The following PLCXD3 variants were observed in gnomAD, a reference collection of about 807,000 sequenced individuals.
The protein encoded by PLCXD3 is PI-PLC X domain-containing protein 3.
PLCXD3 carries 19 observed loss-of-function variants against 25.5 expected under a neutral mutation model. That is an observed-to-expected ratio of 0.75 (90% CI 0.52 to 1.09). PLCXD3 has a LOEUF of 1.09. PLCXD3 is among the 50% of genes least tolerant of loss of function. The pLI is 0.00. For synonymous variants in PLCXD3, 174 were observed against 137.6 expected, an observed-to-expected ratio of 1.26 and a Z score of -1.85; for missense variants, 411 against 388.1, an observed-to-expected ratio of 1.06 and a Z score of -0.50.
chr5:41,425,906 C>G (rs920866510), intron 1 of PLCXD3, among the ~76,000 whole-genome samples: 1 of 152,150 alleles, frequency 6.6e-6, no homozygotes. Context: ...AATAAAGCTG[C>G]TATAAACATC....
intron 1 of PLCXD3, among the ~76,000 whole-genome samples, chr5:41,475,120 G>A (rs948380815): frequency 6.6e-6 from 1 of 151,974 alleles, no homozygotes; most frequent in African/African-American, 2.4e-5. Flanking sequence ...ACAAAAAGAT[G>A]GTATGTACCA....
intron 2 of PLCXD3, among the ~76,000 whole-genome samples, chr5:41,321,572 A>C (rs918001372): frequency 6.6e-6 from 1 of 152,226 alleles, no homozygotes; most frequent in Non-Finnish European, 1.5e-5. Flanking sequence ...TAGAAATAGA[A>C]AAAGCAAACC....
At chr5:41,473,660 G>C (rs1391939382) in intron 1 of PLCXD3, among the ~76,000 whole-genome samples, 1 of 151,932 alleles carries the variant, frequency 6.6e-6, no homozygotes, top group African/African-American at 2.4e-5. Flanking sequence ...GTTTCACCAT[G>C]TTGGCCAGGA....
intron 2 of PLCXD3, among the ~76,000 whole-genome samples, chr5:41,320,059 A>T (rs1038250890): frequency 2.6e-5 from 4 of 152,174 alleles, no homozygotes; most frequent in South Asian, 4.1e-4. Context: ...GAACTAGGAA[A>T]AAAATTCAAA....
At chr5:41,493,191 G>T (rs1400365437) in intron 1 of PLCXD3, among the ~76,000 whole-genome samples, 1 of 152,170 alleles carries the variant, frequency 6.6e-6, no homozygotes, top group Non-Finnish European at 1.5e-5. Context: ...TTTGCTGGAG[G>T]TCCACTCCAG....
chr5:41,470,656 C>T (rs569477187), intron 1 of PLCXD3, among the ~76,000 whole-genome samples: 1 of 152,186 alleles, frequency 6.6e-6, no homozygotes, highest in Non-Finnish European at 1.5e-5. Flanking sequence ...CTTCTATTGG[C>T]TGAGTTCCTA....
intron 2 of PLCXD3, among the ~76,000 whole-genome samples, chr5:41,365,951 ATTTT>A (rs1190875287): frequency 1.7e-5 from 2 of 118,384 alleles, no homozygotes; most frequent in Non-Finnish European, 3.7e-5. Context: ...TTATTTATTT[ATTTT>A]ATTATACTTT....
intron 1 of PLCXD3, among the ~76,000 whole-genome samples, chr5:41,423,252 A>AT (rs1328163200): frequency 6.6e-6 from 1 of 152,096 alleles, no homozygotes; most frequent in Non-Finnish European, 1.5e-5. Context: ...GGTTTGGTAG[A>AT]TTATGCTGGA....
intron 1 of PLCXD3, among the ~76,000 whole-genome samples, chr5:41,486,247 T>C (rs76510134): frequency 0.017 from 2,549 of 152,172 alleles, 32 homozygotes; most frequent in Non-Finnish European, 0.025. Context: ...TTGGATTTCC[T>C]ATTATCTCTG....
chr5:41,412,219 C>G (rs1746568993), intron 1 of PLCXD3, among the ~76,000 whole-genome samples: 1 of 152,052 alleles, frequency 6.6e-6, no homozygotes, highest in Non-Finnish European at 1.5e-5. Context: ...AAAATATATA[C>G]CAAATGCATT....
At chr5:41,441,962 C>A (rs1747394744) in intron 1 of PLCXD3, among the ~76,000 whole-genome samples, 1 of 152,154 alleles carries the variant, frequency 6.6e-6, no homozygotes, top group African/African-American at 2.4e-5. Flanking sequence ...AAATTCTTCT[C>A]TTTAAAAACT....
chr5:41,474,808 A>G (rs1176754090), intron 1 of PLCXD3, among the ~76,000 whole-genome samples: 1 of 152,192 alleles, frequency 6.6e-6, no homozygotes, highest in African/African-American at 2.4e-5. Context: ...ATTGACTTTT[A>G]CCCAGAATTA....
intron 1 of PLCXD3, among the ~76,000 whole-genome samples, chr5:41,428,757 C>T (rs775134237): frequency 1.3e-5 from 2 of 152,120 alleles, no homozygotes; most frequent in Non-Finnish European, 2.9e-5. Context: ...ATTTCCACCT[C>T]ATTAACATTT....
Position 41,340,285 on chromosome 5 carries a change from C to T in PLCXD3, c.813-26515G>A, listed in dbSNP as rs180949460. 4.6e-5 allele frequency among the ~76,000 whole-genome samples: 7 copies of T among 152,214 alleles called. No homozygotes were observed. In the East Asian group the frequency reaches 1.4e-3, roughly 29 times the overall value. ...ACGTAGTGTCCCTAAAAACAGGTAA[C>T]ATGATACTGTGAAATGACTAATTAA... On this transcript the variant is annotated intron_variant, in intron 2 of 2. Transcript: ENST00000377801.
intron 1 of PLCXD3, among the ~76,000 whole-genome samples, chr5:41,451,206 T>C (rs1747622605): frequency 1.3e-5 from 2 of 152,090 alleles, no homozygotes; most frequent in South Asian, 4.1e-4. Flanking sequence ...ACCTGAGACA[T>C]CTTAGTCAAA....
chr5:41,342,133 C>A (rs1052560006), intron 2 of PLCXD3, among the ~76,000 whole-genome samples: 1 of 152,158 alleles, frequency 6.6e-6, no homozygotes, highest in African/African-American at 2.4e-5. Flanking sequence ...TTTGAGGATA[C>A]TGTGGCCTAT....
intron 1 of PLCXD3, among the ~76,000 whole-genome samples, chr5:41,481,633 A>G (rs1748416777): frequency 1.3e-5 from 2 of 152,250 alleles, no homozygotes; most frequent in Admixed American, 1.3e-4. Flanking sequence ...AGGGTCTGAA[A>G]TGGAAGGTGC....
intron 1 of PLCXD3, among the ~76,000 whole-genome samples, chr5:41,431,018 CAT>C (rs1054509059): frequency 6.6e-6 from 1 of 152,098 alleles, no homozygotes; most frequent in African/African-American, 2.4e-5. Context: ...GTCTTGGAAA[CAT>C]GTGAGAAAGG....
chr5:41,347,010 G>A (rs1476949139), intron 2 of PLCXD3, among the ~76,000 whole-genome samples: 3 of 152,116 alleles, frequency 2.0e-5, no homozygotes, highest in African/African-American at 7.2e-5. Context: ...AATTCATTTT[G>A]GTAAGTACCT....
Sources: gnomAD v4.1 joint callset for allele counts (sites outside exome capture counted in the v4.1 genomes callset) on GRCh38, gnomAD v4.1.1 for gene constraint, MANE v1.5 for transcripts, NCBI Gene and HGNC (gene_info 2026-07-23, HGNC 2026-07-21) for gene names.